UBE3B: variants seen among roughly 807,000 people sequenced by gnomAD.
UBE3B encodes ubiquitin protein ligase E3B.
UBE3B carries 80 observed loss-of-function variants against 132.3 expected under a neutral mutation model. The observed-to-expected ratio is 0.60, with a 90% CI of 0.50 to 0.73. The LOEUF (loss-of-function observed/expected upper bound fraction) is 0.73. Among genes scored for constraint, UBE3B ranks in the 30% least tolerant of loss-of-function variants. The probability of loss-of-function intolerance (pLI) is 0.00; values close to 1 mark genes in which losing one functional copy is unlikely to be tolerated. For missense variants in UBE3B, 1,196 were observed against 1,362.5 expected (o/e 0.88, Z 1.92); for synonymous variants, 487 against 520.4 (o/e 0.94, Z 0.87).
chr12:109,478,642 G>A (rs1874764438), intron 1 of UBE3B, among the ~76,000 whole-genome samples: 1 of 152,152 alleles, frequency 6.6e-6, no homozygotes, highest in African/African-American at 2.4e-5. Flanking sequence ...TTAGCCGGGC[G>A]TGGTGGCGGG....
At chr12:109,497,981 A>G (rs1807076692) in intron 10 of UBE3B, 58 bp downstream of exon 10, 1 of 1,567,448 alleles carries the variant, frequency 6.4e-7, no homozygotes, top group Non-Finnish European at 8.8e-7. Context: ...TTTTCTTCTT[A>G]AACATTAGAA....
At chr12:109,531,817 G>A (rs868347135) in intron 26 of UBE3B, among the ~76,000 whole-genome samples, 5 of 151,992 alleles carry the variant, frequency 3.3e-5, no homozygotes, top group Middle Eastern at 3.2e-3. Flanking sequence ...GCTATAAAAC[G>A]GCTCACGCTG....
At chr12:109,490,169 C>T in intron 8 of UBE3B, 165 bp downstream of exon 8, 1 of 884,338 alleles carries the variant, frequency 1.1e-6, no homozygotes, top group Non-Finnish European at 1.8e-6. Context: ...CCTTGTCTCA[C>T]TTGTGGGTCA....
intron 27 of UBE3B, 106 bp downstream of exon 27, chr12:109,533,664 G>C (rs754085940): frequency 8.5e-7 from 1 of 1,174,424 alleles, no homozygotes; most frequent in Non-Finnish European, 1.3e-6. Context: ...CAGCAAGGCA[G>C]GCAGCTGGAC....
intron 15 of UBE3B, 122 bp downstream of exon 15, chr12:109,507,857 C>A: frequency 8.4e-7 from 1 of 1,190,812 alleles, no homozygotes; most frequent in Non-Finnish European, 1.2e-6. Context: ...TGTGGCAGGG[C>A]ATTGTAAGAA....
intron 24 of UBE3B, among the ~76,000 whole-genome samples, chr12:109,529,386 TC>T: frequency 6.6e-6 from 1 of 152,266 alleles, no homozygotes; most frequent in South Asian, 2.1e-4. Context: ...CATCTGCAGG[TC>T]CGCCTTGCCA....
chr12:109,513,624 A>C (rs1402801907), intron 18 of UBE3B, among the ~76,000 whole-genome samples: 2 of 152,212 alleles, frequency 1.3e-5, no homozygotes, highest in South Asian at 4.1e-4. Flanking sequence ...GTGAATAAGA[A>C]AGTCAGGGAA....
At chr12:109,508,831 C>A in intron 15 of UBE3B, 1 of 831,800 alleles carries the variant, frequency 1.2e-6, no homozygotes, top group Non-Finnish European at 1.4e-6. Context: ...AACATTTATT[C>A]ATTTACTCAC....
Position 109,518,685 on chromosome 12 carries a change from C to T in UBE3B, c.2076+1801C>T, listed in dbSNP as rs555496780. Among the ~76,000 whole-genome samples the T allele has an allele frequency of 4.6e-5, 7 of 152,302 alleles. No homozygotes were observed. The East Asian group carries it at 7.7e-4, about 17-fold the overall frequency. ...AGTATCTCCTGAGAGTGGCAGAATCCGACTCCCTTCACAAATATCATTGCT... is the reference window on the plus strand; with the variant it reads ...AGTATCTCCTGAGAGTGGCAGAATCTGACTCCCTTCACAAATATCATTGCT... On this transcript the variant is annotated intron_variant, in intron 19 of 27. Transcript: ENST00000342494.
At chr12:109,513,040 T>C (rs1880570101) in intron 18 of UBE3B, among the ~76,000 whole-genome samples, 1 of 152,236 alleles carries the variant, frequency 6.6e-6, no homozygotes, top group East Asian at 1.9e-4. Flanking sequence ...TCTTCTGTGA[T>C]CTGTTGGCAG....
intron 15 of UBE3B, chr12:109,508,744 T>G (rs1355263201): frequency 1.0e-6 from 1 of 985,230 alleles, no homozygotes; most frequent in African/African-American, 1.7e-5. Context: ...AATCTTATTC[T>G]AGTGTATGGA....
At chr12:109,529,441 G>A (rs953967620) in intron 24 of UBE3B, among the ~76,000 whole-genome samples, 1 of 152,206 alleles carries the variant, frequency 6.6e-6, no homozygotes, top group African/African-American at 2.4e-5. Context: ...TTTGATTAAA[G>A]TTTTGACATG....
downstream of UBE3B, among the ~76,000 whole-genome samples, chr12:109,539,683 G>A (rs999358410): frequency 2.5e-4 from 38 of 152,150 alleles, no homozygotes; most frequent in African/African-American, 8.9e-4. Context: ...TCCAGGGATC[G>A]AATTGACATT....
chr12:109,511,128 G>T (rs1224261395), intron 17 of UBE3B, 76 bp from the exon 18 acceptor site: 5 of 1,325,310 alleles, frequency 3.8e-6, no homozygotes, highest in Non-Finnish European at 5.3e-6. Context: ...GGCCCACATG[G>T]TGTCATTTCC....
chr12:109,523,833 A>T, intron 21 of UBE3B, 145 bp from the exon 22 acceptor site: 1 of 1,147,216 alleles, frequency 8.7e-7, no homozygotes, highest in South Asian at 1.4e-5. Context: ...GGATGGGGAG[A>T]TACTGCCCTC....
chr12:109,528,217 TG>T (rs1371929295), intron 24 of UBE3B: 2 of 541,810 alleles, frequency 3.7e-6, no homozygotes, highest in Non-Finnish European at 4.7e-6. Flanking sequence ...GGGTGATACT[TG>T]ATCTTGCACT....
At chr12:109,531,386 T>C (rs1027834019) in intron 26 of UBE3B, among the ~76,000 whole-genome samples, 1 of 152,260 alleles carries the variant, frequency 6.6e-6, no homozygotes, top group Admixed American at 6.5e-5. Flanking sequence ...GTATGTGTTA[T>C]ATATGTGTAT....
chr12:109,536,651 C>T lies in UBE3B; in HGVS notation c.*1869C>T, dbSNP rs762374079. 8.5e-5 allele frequency: 13 copies of T among 152,180 alleles called. No homozygotes were observed. The highest frequency in any genetic ancestry group is 2.9e-5 in the Non-Finnish European group (2 of 68,026). 9.4% of individuals were successfully genotyped at this position (152,180 alleles called of 1,614,324 possible). ...TAGGATTTTTTGTTTTTGTAGCTAA[C>T]TTATGGATTGAGATGTGATCAAAGG... On this transcript the variant is annotated 3_prime_UTR_variant, in exon 28 of 28. Transcript: ENST00000342494.
the UBE3B span, among the ~76,000 whole-genome samples, chr12:109,547,422 G>A: frequency 1.3e-5 from 2 of 152,350 alleles, no homozygotes; most frequent in Admixed American, 6.5e-5. The surrounding 1 kb of genome is among the most constrained non-coding windows in gnomAD (Gnocchi z 4.1). Flanking sequence ...CTGAGAACTC[G>A]ATCACGTCCT....
Sources: gnomAD v4.1 joint callset for allele counts (sites outside exome capture counted in the v4.1 genomes callset) on GRCh38, gnomAD v4.1.1 for gene constraint, Gnocchi (gnomAD v3.1) non-coding constraint, MANE v1.5 for transcripts, NCBI Gene and HGNC (gene_info 2026-07-23, HGNC 2026-07-21) for gene names.